The following POU6F2 variants were observed in gnomAD, a reference collection of about 807,000 sequenced individuals.
POU6F2 encodes the protein POU class 6 homeobox 2.
A neutral mutation model predicts 71.3 loss-of-function variants in POU6F2; 31 were observed. The observed-to-expected ratio is 0.43, with a 90% CI of 0.33 to 0.59. POU6F2 has a LOEUF of 0.59. Ranked by LOEUF, POU6F2 falls within the 20% of genes least tolerant of loss-of-function variation. The pLI, the probability that POU6F2 is intolerant of heterozygous loss-of-function variation, is 0.04. For synonymous variants in POU6F2, 347 were observed against 355.7 expected (o/e 0.98, Z 0.27); for missense variants, 783 against 856.8 (o/e 0.91, Z 1.07).
chr7:39,171,000 TGTA>T (rs916769926), intron 2 of POU6F2, among the ~76,000 whole-genome samples: 15 of 149,978 alleles, frequency 1.0e-4, no homozygotes, highest in Non-Finnish European at 1.9e-4. Flanking sequence ...AGAATTTAAA[TGTA>T]GTTCACATAT....
intron 2 of POU6F2, among the ~76,000 whole-genome samples, chr7:39,195,220 A>T (rs1211765343): frequency 6.6e-6 from 1 of 152,196 alleles, no homozygotes. Flanking sequence ...ACGGTCTGTG[A>T]TCATTTAATC....
intron 1 of POU6F2, among the ~76,000 whole-genome samples, chr7:39,040,191 A>G (rs939580302): frequency 2.1e-4 from 29 of 135,476 alleles, no homozygotes; most frequent in Admixed American, 1.3e-3. Flanking sequence ...CTTTACTTCT[A>G]TAGCAAGCTT....
intron 5 of POU6F2, among the ~76,000 whole-genome samples, chr7:39,360,572 C>A (rs1219489882): frequency 6.6e-6 from 1 of 152,174 alleles, no homozygotes; most frequent in African/African-American, 2.4e-5. Context: ...GGTCCAGATC[C>A]AGACCCCAAG....
intron 6 of POU6F2, among the ~76,000 whole-genome samples, chr7:39,412,152 A>G (rs1402390431): frequency 6.6e-6 from 1 of 152,196 alleles, no homozygotes; most frequent in African/African-American, 2.4e-5. Flanking sequence ...CTCACCAGTA[A>G]AACAGGAATG....
intron 7 of POU6F2, among the ~76,000 whole-genome samples, chr7:39,436,396 G>A (rs1788243382): frequency 6.6e-6 from 1 of 152,040 alleles, no homozygotes; most frequent in South Asian, 2.1e-4. Context: ...TTGTGAATGG[G>A]AGTTCATTCA....
intron 6 of POU6F2, 78 bp downstream of exon 6, chr7:39,406,818 C>T: frequency 2.0e-6 from 3 of 1,538,190 alleles, no homozygotes; most frequent in Admixed American, 3.3e-5. Flanking sequence ...TTTTGCATGA[C>T]AGTGATATGT....
At chr7:39,437,871 C>A (rs1788286731) in intron 7 of POU6F2, among the ~76,000 whole-genome samples, 4 of 152,108 alleles carry the variant, frequency 2.6e-5, no homozygotes, top group Admixed American at 2.0e-4. Context: ...GCCTTAATTT[C>A]CTTATTTACC....
chr7:39,089,176 A>G (rs1382737974), intron 2 of POU6F2, among the ~76,000 whole-genome samples: 1 of 152,248 alleles, frequency 6.6e-6, no homozygotes, highest in Non-Finnish European at 1.5e-5. Flanking sequence ...CATGGAAACT[A>G]AAGTACACTT....
intron 2 of POU6F2, among the ~76,000 whole-genome samples, chr7:39,088,629 C>T (rs1349013803): frequency 1.3e-5 from 2 of 151,974 alleles, no homozygotes; most frequent in East Asian, 1.9e-4. Context: ...ATATATACAC[C>T]GTATTATTGA....
intron 1 of POU6F2, among the ~76,000 whole-genome samples, chr7:39,015,923 A>G (rs1336105714): frequency 2.6e-5 from 1 of 37,924 alleles, no homozygotes; most frequent in Non-Finnish European, 5.0e-5. Context: ...TATTATATAT[A>G]GATATATATA....
intron 2 of POU6F2, among the ~76,000 whole-genome samples, chr7:39,163,657 T>A (rs1033889393): frequency 6.6e-6 from 1 of 152,250 alleles, no homozygotes; most frequent in Non-Finnish European, 1.5e-5. Flanking sequence ...GCAATTTCAC[T>A]ACTGGATATA....
At chr7:39,337,599 G>T (rs1303942371) in intron 4 of POU6F2, among the ~76,000 whole-genome samples, 2 of 152,136 alleles carry the variant, frequency 1.3e-5, no homozygotes, top group East Asian at 3.9e-4. Context: ...ATTTCACTAT[G>T]CTTTACACAA....
intron 2 of POU6F2, among the ~76,000 whole-genome samples, chr7:39,147,593 CTT>C (rs1792649405): frequency 6.6e-6 from 1 of 152,200 alleles, no homozygotes; most frequent in Non-Finnish European, 1.5e-5. Flanking sequence ...TCTCCAATCT[CTT>C]TCCCTTTTTT....
At chr7:39,022,989 T>C (rs188054580) in intron 1 of POU6F2, among the ~76,000 whole-genome samples, 1 of 152,206 alleles carries the variant, frequency 6.6e-6, no homozygotes, top group East Asian at 1.9e-4. Flanking sequence ...TTGCTCCATA[T>C]CTTCACCAGC....
intron 4 of POU6F2, among the ~76,000 whole-genome samples, chr7:39,281,610 T>C (rs61172252): frequency 0.27 from 41,143 of 152,110 alleles, 6,325 homozygotes; most frequent in African/African-American, 0.41. Context: ...GATTCATCCA[T>C]GTTGCTGCAA....
chr7:39,302,263 CA>C (rs1273887727), intron 4 of POU6F2, among the ~76,000 whole-genome samples: 6 of 152,144 alleles, frequency 3.9e-5, no homozygotes, highest in Admixed American at 3.3e-4. Flanking sequence ...TAATGGACAA[CA>C]GGGGGGATCT....
At chr7:39,275,744 G>A (rs1459777393) in intron 4 of POU6F2, among the ~76,000 whole-genome samples, 11 of 151,704 alleles carry the variant, frequency 7.3e-5, no homozygotes, top group Non-Finnish European at 7.4e-5. Context: ...CAGAAATAAC[G>A]CCGCATATCT....
intron 1 of POU6F2, among the ~76,000 whole-genome samples, chr7:39,051,562 A>G (rs1790400870): frequency 6.6e-6 from 1 of 152,156 alleles, no homozygotes; most frequent in Non-Finnish European, 1.5e-5. Flanking sequence ...CTTGAGTATG[A>G]AAAGCCAAAG....
chr7:39,265,545 T>G (rs909800811), intron 4 of POU6F2, among the ~76,000 whole-genome samples: 2 of 152,352 alleles, frequency 1.3e-5, no homozygotes, highest in Non-Finnish European at 2.9e-5. Context: ...ATCCATAGTT[T>G]TACCGTTGAA....
Sources: allele counts gnomAD v4.1 joint callset (sites outside exome capture counted in the v4.1 genomes callset), GRCh38; gene constraint gnomAD v4.1.1; transcripts MANE v1.5; gene names NCBI Gene and HGNC (gene_info 2026-07-23, HGNC 2026-07-21).